The following BCORL1 variants were observed in gnomAD, a reference collection of about 807,000 sequenced individuals.
BCORL1 encodes the protein BCL6 corepressor like 1.
A neutral mutation model predicts 87.6 loss-of-function variants in BCORL1; 7 were observed. The observed-to-expected ratio is 0.08, with a 90% CI of 0.05 to 0.15. The LOEUF (loss-of-function observed/expected upper bound fraction) is 0.15, where lower values mean the gene tolerates loss of function less well. BCORL1 is among the 10% of genes least tolerant of loss of function. The pLI, the probability that BCORL1 is intolerant of heterozygous loss-of-function variation, is 1.00. For synonymous variants in BCORL1, 591 were observed against 634.4 expected (o/e 0.93, Z 1.03); for missense variants, 1,215 against 1,499.7 (o/e 0.81, Z 3.13).
At chrX:130,046,332 T>C (rs756484597) in intron 11 of BCORL1, among the ~76,000 whole-genome samples, 2 of 110,819 alleles carry the variant, frequency 1.8e-5, no homozygotes, top group East Asian at 5.8e-4. Context: ...TTTAGTATAT[T>C]CACTATCTTG....
At chrX:130,050,184 C>A (rs1931987522) in intron 11 of BCORL1, among the ~76,000 whole-genome samples, 1 of 110,736 alleles carries the variant, frequency 9.0e-6, no homozygotes, top group Non-Finnish European at 1.9e-5. Context: ...GTAATCCCAG[C>A]ACTTTGGGAG....
chrX:130,043,871 G>A (rs1931563928), intron 11 of BCORL1, among the ~76,000 whole-genome samples: 1 of 90,579 alleles, frequency 1.1e-5, no homozygotes, highest in Non-Finnish European at 2.1e-5. Context: ...CCTGGTTCAC[G>A]CCATTCTCCT....
intron 11 of BCORL1, among the ~76,000 whole-genome samples, chrX:130,046,738 A>G (rs1283113904): frequency 9.1e-6 from 1 of 110,408 alleles, no homozygotes; most frequent in Non-Finnish European, 1.9e-5. Flanking sequence ...AGTAGAGATG[A>G]GGTTTCACCG....
At chrX:130,011,811 G>C (rs762546581) in intron 2 of BCORL1, among the ~76,000 whole-genome samples, 4 of 110,484 alleles carry the variant, frequency 3.6e-5, no homozygotes, top group Non-Finnish European at 3.8e-5. Context: ...GGAGACTGAT[G>C]GGGGGGCAGG....
intron 11 of BCORL1, among the ~76,000 whole-genome samples, chrX:130,048,259 G>A (rs1469704037): frequency 8.9e-6 from 1 of 112,274 alleles, no homozygotes; most frequent in Non-Finnish European, 1.9e-5. Flanking sequence ...TCGCACTGGG[G>A]GAAACTAGCT....
intron 10 of BCORL1, 77 bp from the exon 11 acceptor site, chrX:130,039,060 T>C (rs893590041): frequency 8.9e-7 from 1 of 1,122,061 alleles, no homozygotes; most frequent in African/African-American, 1.8e-5. Context: ...TTTTTTCCCC[T>C]GATGCAGTAG....
Position 130,012,652 on chromosome X carries a change from G to C in BCORL1, c.161G>C (p.Ser54Thr). 8.3e-7 allele frequency: 1 copy of C among 1,210,702 alleles called. No homozygotes were observed. Among genetic ancestry groups the C allele is most frequent in the Non-Finnish European group, 1.1e-6 (1 of 894,582 alleles). The change falls in exon 3 of 14, where the codon AGC becomes ACC. Residue 54 changes from serine to threonine, a missense_variant. Transcript: ENST00000540052. ...QHFGSQEFCVSSSFSKVELTA... is the reference protein window; with the variant it reads ...QHFGSQEFCVTSSFSKVELTA... ...TTTGGATCTCAGGAGTTTTGTGTCA[G>C]CAGCAGTTTTTCCAAGGTAAGAGGC...
chrX:129,994,879 G>A (rs1282600677), intron 1 of BCORL1, among the ~76,000 whole-genome samples: 3 of 111,974 alleles, frequency 2.7e-5, no homozygotes, highest in Non-Finnish European at 5.6e-5. Flanking sequence ...ACAGCAGAAA[G>A]GGCTGTTCTT....
chrX:130,050,846 C>A, intron 12 of BCORL1, 52 bp downstream of exon 12: 1 of 1,050,335 alleles, frequency 9.5e-7, no homozygotes, highest in Non-Finnish European at 1.3e-6. Context: ...ACAGGAGTAG[C>A]CCTGTGGTGG....
At chrX:130,028,280 C>A (rs765670477) in intron 7 of BCORL1, among the ~76,000 whole-genome samples, 1 of 111,249 alleles carries the variant, frequency 9.0e-6, no homozygotes, top group East Asian at 2.8e-4. Context: ...GAGAAACAGA[C>A]AAAGGGAATG....
intron 12 of BCORL1, among the ~76,000 whole-genome samples, chrX:130,051,306 C>T (rs1781375852): frequency 8.8e-6 from 1 of 112,995 alleles, no homozygotes; most frequent in African/African-American, 3.2e-5. Flanking sequence ...ATCTAGCATT[C>T]GCCCTTTGGG....
At chrX:129,981,905 T>TG (rs1215898067), upstream of BCORL1, 3 of 9,163 alleles carry the variant, frequency 3.3e-4, no homozygotes, top group Admixed American at 2.8e-3. Flanking sequence ...GGGAGGGAGA[T>TG]GGGGGGGTGG....
At chrX:130,007,064 G>T (rs1012605319) in intron 2 of BCORL1, among the ~76,000 whole-genome samples, 2 of 112,085 alleles carry the variant, frequency 1.8e-5, no homozygotes, top group African/African-American at 6.5e-5. Context: ...GCATATAGGG[G>T]AGTATTGGTA....
At chrX:130,002,734 C>G (rs1017302345) in intron 1 of BCORL1, among the ~76,000 whole-genome samples, 20 of 102,257 alleles carry the variant, frequency 2.0e-4, no homozygotes, top group African/African-American at 6.9e-4. Context: ...AAGAGGTGAA[C>G]AGCTGGGAAA....
rs181357522 is a variant in BCORL1 at position 130,035,949 on chromosome X, C to A, written c.4527+1273C>A. On this transcript the variant is annotated intron_variant, in intron 9 of 13. Coordinates refer to ENST00000540052, the MANE Select transcript of BCORL1 (RefSeq NM_001379451.1). Reference sequence around the variant, plus strand: ...CAGTTTCTATATACAGCCAGCAGCACCCCTGACACAGGCTGCACACACAGC... The same window carrying A: ...CAGTTTCTATATACAGCCAGCAGCAACCCTGACACAGGCTGCACACACAGC... Among the ~76,000 whole-genome samples the A allele has an allele frequency of 1.1e-4, 12 of 112,926 alleles. No individual in the cohort carries two copies. In the East Asian group the frequency reaches 3.1e-3, roughly 29 times the overall value.
At chrX:129,981,905 TGGG>T (rs1215898067), upstream of BCORL1, 2 of 9,163 alleles carry the variant, frequency 2.2e-4, no homozygotes, top group Non-Finnish European at 4.0e-4. Flanking sequence ...GGGAGGGAGA[TGGG>T]GGGGTGGCGA....
chrX:129,998,123 C>T (rs944392927), intron 1 of BCORL1, among the ~76,000 whole-genome samples: 7 of 110,454 alleles, frequency 6.3e-5, no homozygotes, highest in Non-Finnish European at 9.5e-5. Flanking sequence ...GTAGGGATAG[C>T]TCACAGTGGT....
At position 130,013,770 on chromosome X, in the gene BCORL1, T is replaced by A; in HGVS notation, c.998T>A (p.Val333Asp). ...PSAPTLVLAPVPTPVLAPMPA... is the reference protein window; with the variant it reads ...PSAPTLVLAPDPTPVLAPMPA... ...GCTCCGACCTTGGTTCTCGCTCCCG[T>A]CCCCACTCCGGTTCTGGCTCCCATG... Residue 333 changes from valine (V) to aspartate (D), a missense_variant, in exon 4 of 14, where the codon GTC becomes GAC. Val to Asp is a radical substitution (Grantham distance 152). Around this residue, in one of 5 missense-constraint regions of BCORL1, gnomAD observed 861 missense variants for 1,010.0 expected, o/e 0.85. Coordinates refer to ENST00000540052, the MANE Select transcript of BCORL1 (RefSeq NM_001379451.1). The A allele has an allele frequency of 8.5e-7, 1 of 1,176,351 alleles. No individual in the cohort carries two copies.
chrX:129,987,135 G>A (rs1398311351), intron 1 of BCORL1, among the ~76,000 whole-genome samples: 1 of 111,929 alleles, frequency 8.9e-6, no homozygotes, highest in Non-Finnish European at 1.9e-5. Flanking sequence ...AGTAAACTTT[G>A]AAGAACTCTT....
Sources: allele counts gnomAD v4.1 joint callset (sites outside exome capture counted in the v4.1 genomes callset), GRCh38; gene constraint gnomAD v4.1.1; regional missense constraint gnomAD v4.1.1; transcripts MANE v1.5; gene names NCBI Gene and HGNC (gene_info 2026-07-23, HGNC 2026-07-21).